The following ZFHX4 variants were observed in gnomAD, a reference collection of about 807,000 sequenced individuals.
ZFHX4 encodes the protein zinc finger homeobox 4.
Under a neutral mutation model 267.6 loss-of-function variants are expected in ZFHX4, and 56 were observed. The observed-to-expected ratio is 0.21, with a 90% CI of 0.17 to 0.26. ZFHX4 has a LOEUF of 0.26. ZFHX4 is among the 10% of genes least tolerant of loss of function. ZFHX4 has a pLI of 1.00. For synonymous variants in ZFHX4, 1,778 were observed against 1,665.6 expected, an observed-to-expected ratio of 1.07 and a Z score of -1.64; for missense variants, 4,332 against 4,420.0, an observed-to-expected ratio of 0.98 and a Z score of 0.56.
chr8:76,803,271 T>TGC (rs1268436992), intron 4 of ZFHX4, among the ~76,000 whole-genome samples: 2 of 152,016 alleles, frequency 1.3e-5, no homozygotes, highest in Non-Finnish European at 2.9e-5. Context: ...TGCGTGTGTG[T>TGC]GTGTGTGTGT....
intron 1 of ZFHX4, chr8:76,683,232 A>AC (rs138318531): frequency 0.024 from 3,448 of 143,784 alleles, 146 homozygotes; most frequent in East Asian, 0.21. Flanking sequence ...GCAAACACGG[A>AC]CCCCCCCCAC....
At chr8:76,763,758 C>T (rs915054422) in intron 3 of ZFHX4, among the ~76,000 whole-genome samples, 3 of 151,928 alleles carry the variant, frequency 2.0e-5, no homozygotes, top group African/African-American at 4.8e-5. Flanking sequence ...AAAAAATGTG[C>T]TATAGGCGTA....
Position 76,707,751 on chromosome 8 carries a change from A to G in ZFHX4, c.2796A>G (p.Glu932=). The change falls in exon 3 of 11, where the codon GAA becomes GAG. Residue 932 remains glutamate, a synonymous_variant. Coordinates refer to ENST00000651372, the MANE Select transcript of ZFHX4 (RefSeq NM_024721.5). ...VHVSSERSLP[E]EEWRAVIGDI... ...TGAGCAGTGAGCGCTCTCTCCCTGA[A>G]GAGGAATGGAGGGCAGTAATTGGAG... is the stretch of plus-strand genomic sequence containing the variant. 1.2e-6 allele frequency: 2 copies of G among 1,613,868 alleles called. No homozygotes were observed. Among genetic ancestry groups the G allele is most frequent in the Non-Finnish European group, 1.7e-6 (2 of 1,179,860 alleles).
chr8:76,853,093 C>A lies in ZFHX4; in HGVS notation c.6172C>A (p.Pro2058Thr). 1.3e-6 allele frequency: 2 copies of A among 1,482,972 alleles called. No individual in the cohort carries two copies. The highest frequency in any genetic ancestry group is 9.2e-7 in the Non-Finnish European group (1 of 1,091,648). The allele number at this position is 1,482,972 out of a possible 1,614,324, so 91.9% of individuals were successfully genotyped here. A position where few individuals can be genotyped will look rare whatever the true frequency, so the allele number is the denominator to read the frequency against. ...TCCTCCTCCTCCTCCTCCCCCCCCACCTCCTCCACCTTCTGCTCCTCCACA... is the reference window on the plus strand; with the variant it reads ...TCCTCCTCCTCCTCCTCCCCCCCCAACTCCTCCACCTTCTGCTCCTCCACA... ...PPPPPPPPPP[P>T]PPPSAPPQVQ... is the part of the protein sequence containing the mutation. Residue 2058 changes from proline (P) to threonine (T), a missense_variant, in exon 10 of 11, where the codon CCT becomes ACT. Physicochemically the swap from Pro to Thr is conservative, Grantham distance 38. Around this residue, in one of 7 missense-constraint regions of ZFHX4, gnomAD observed 1,371 missense variants for 1,423.1 expected, o/e 0.96. Transcript: ENST00000651372.
chr8:76,744,766 A>G (rs1378335771), intron 3 of ZFHX4, among the ~76,000 whole-genome samples: 2 of 152,174 alleles, frequency 1.3e-5, no homozygotes, highest in Non-Finnish European at 2.9e-5. Flanking sequence ...TTTTTTAGAT[A>G]AAATGAAAAT....
At chr8:76,847,800 G>T (rs1200399464) in intron 6 of ZFHX4, among the ~76,000 whole-genome samples, 1 of 151,762 alleles carries the variant, frequency 6.6e-6, no homozygotes, top group Non-Finnish European at 1.5e-5. Context: ...AATTAAAACT[G>T]GGTTATTTTG....
At chr8:76,739,102 T>G (rs1809249444) in intron 3 of ZFHX4, among the ~76,000 whole-genome samples, 1 of 152,142 alleles carries the variant, frequency 6.6e-6, no homozygotes, top group South Asian at 2.1e-4. Flanking sequence ...CTCCCCTTTT[T>G]GAATCATTAG....
Position 76,856,289 on chromosome 8 carries a change from A to C in ZFHX4, c.9368A>C (p.Gln3123Pro). 1 of 1,613,890 alleles carries C rather than the reference A, an allele frequency of 6.2e-7. No homozygotes were observed. Among genetic ancestry groups the C allele is most frequent in the Non-Finnish European group, 8.5e-7 (1 of 1,179,842 alleles). The change falls in exon 10 of 11, where the codon CAA becomes CCA. Residue 3123 changes from glutamine to proline, a missense_variant. By Grantham distance (76) the Gln-to-Pro change is moderately conservative (BLOSUM62 -1). This residue lies in a region of ZFHX4 where 1,648 missense variants were observed against 1,625.0 expected (regional missense o/e 1.01). Transcript: ENST00000651372. ...CCATCCTCCTTGCCGGGATTTCCAC[A>C]AAATTCAAACAGTAAGTCATTTAAA... ...NGPSSLPGFP[Q>P]NSNTLTPPGA...
At chr8:76,693,706 T>A (rs1807881845) in intron 1 of ZFHX4, among the ~76,000 whole-genome samples, 1 of 152,222 alleles carries the variant, frequency 6.6e-6, no homozygotes, top group Non-Finnish European at 1.5e-5. Context: ...AAAGGTAAAC[T>A]GTTAGAGATA....
intron 4 of ZFHX4, among the ~76,000 whole-genome samples, chr8:76,800,756 T>C (rs1811099351): frequency 6.6e-6 from 1 of 152,168 alleles, no homozygotes; most frequent in Non-Finnish European, 1.5e-5. Flanking sequence ...GCACTGTTTA[T>C]AGAAAGCATG....
At chr8:76,682,872 C>T (rs1807579499) in intron 1 of ZFHX4, among the ~76,000 whole-genome samples, 1 of 152,134 alleles carries the variant, frequency 6.6e-6, no homozygotes, top group Admixed American at 6.5e-5. Flanking sequence ...GTCTCTCCTT[C>T]CTTCTACTTC....
intron 3 of ZFHX4, among the ~76,000 whole-genome samples, chr8:76,713,282 A>AAGATAGATAGATAGATAGAT (rs142140233): frequency 2.1e-4 from 30 of 143,186 alleles, no homozygotes; most frequent in Admixed American, 3.6e-4. Flanking sequence ...GATAGATAGA[A>AAGATAGATAGATAGATAGAT]AGATAGATAG....
At position 76,852,789 on chromosome 8, in the gene ZFHX4, C is replaced by T. The variant is rs374976877; in HGVS notation, c.5868C>T (p.Ser1956=). The change falls in exon 10 of 11, where the codon TCC becomes TCT. Residue 1956 remains serine (S), a synonymous_variant. Coordinates refer to ENST00000651372, the MANE Select transcript of ZFHX4 (RefSeq NM_024721.5). ...LECGTCGKLF[S]NVLILKSHQE... ...GTGGAACATGTGGTAAATTGTTTTCCAATGTTCTTATTTTAAAGAGTCACC... is the reference window on the plus strand; with the variant it reads ...GTGGAACATGTGGTAAATTGTTTTCTAATGTTCTTATTTTAAAGAGTCACC... 1.2e-4 allele frequency: 195 copies of T among 1,613,210 alleles called. No individual in the cohort carries two copies. The highest frequency in any genetic ancestry group is 1.4e-4 in the Non-Finnish European group (168 of 1,179,684).
At chr8:76,740,583 C>T (rs558241542) in intron 3 of ZFHX4, among the ~76,000 whole-genome samples, 28 of 151,856 alleles carry the variant, frequency 1.8e-4, no homozygotes, top group Admixed American at 3.3e-4. Flanking sequence ...TAAACAGAGA[C>T]TTGAAGTAAG....
At chr8:76,703,097 C>A (rs1808146421) in intron 1 of ZFHX4, among the ~76,000 whole-genome samples, 1 of 151,844 alleles carries the variant, frequency 6.6e-6, no homozygotes, top group African/African-American at 2.4e-5. Context: ...TTGTCCTCAA[C>A]AAATAGGGTT....
intron 3 of ZFHX4, among the ~76,000 whole-genome samples, chr8:76,762,205 A>T (rs1217331505): frequency 6.6e-6 from 1 of 152,148 alleles, no homozygotes; most frequent in Non-Finnish European, 1.5e-5. Context: ...TATTCTAGGG[A>T]TTTATAGATA....
chr8:76,835,231 A>ATATATATATATG (rs1563549050), intron 5 of ZFHX4, among the ~76,000 whole-genome samples: 80 of 124,536 alleles, frequency 6.4e-4, no homozygotes, highest in South Asian at 1.7e-3. Context: ...ATATATATAT[A>ATATATATATATG]TATATATATG....
intron 1 of ZFHX4, among the ~76,000 whole-genome samples, chr8:76,702,444 T>C (rs1483663331): frequency 6.6e-6 from 1 of 152,208 alleles, no homozygotes; most frequent in African/African-American, 2.4e-5. Flanking sequence ...ATACTTCATA[T>C]GCCAGTGACC....
chr8:76,733,955 C>T (rs558028995), intron 3 of ZFHX4, among the ~76,000 whole-genome samples: 1 of 152,172 alleles, frequency 6.6e-6, no homozygotes, highest in East Asian at 1.9e-4. Flanking sequence ...AACAAATGAT[C>T]ACCTATTAGA....
Sources: gnomAD v4.1 joint callset for allele counts (sites outside exome capture counted in the v4.1 genomes callset) on GRCh38, gnomAD v4.1.1 for gene constraint, gnomAD v4.1.1 regional missense constraint, MANE v1.5 for transcripts, NCBI Gene and HGNC (gene_info 2026-07-23, HGNC 2026-07-21) for gene names.